Variants in WDR91 observed in about 807,000 individuals in gnomAD.
WDR91 encodes WD repeat-containing protein 91.
WDR91 carries 52 observed loss-of-function variants against 88.4 expected under a neutral mutation model. That is an observed-to-expected ratio of 0.59 (90% CI 0.47 to 0.74). WDR91 has a LOEUF of 0.74. WDR91 is among the 30% of genes least tolerant of loss of function. The pLI is 0.00. For missense variants in WDR91, 824 were observed against 954.5 expected (o/e 0.86, Z 1.80); for synonymous variants, 362 against 389.5 (o/e 0.93, Z 0.83).
rs1036256830 is a variant in WDR91 at position 135,184,962 on chromosome 7, T to G, written c.*1189A>C. ...TCGGCTCACTGCAACCTCCGCCTCC[T>G]GGGCTCAAGTGATTCTCCTGCCCCA... On this transcript the variant is annotated 3_prime_UTR_variant, in exon 15 of 15. Coordinates refer to ENST00000354475, the MANE Select transcript of WDR91 (RefSeq NM_014149.4). The G allele has an allele frequency of 6.6e-6, 1 of 152,046 alleles. No homozygotes were observed. The highest frequency in any genetic ancestry group is 2.1e-4 in the South Asian group (1 of 4,826). 9.4% of individuals were successfully genotyped at this position (152,046 alleles called of 1,614,324 possible). A position where few individuals can be genotyped will look rare whatever the true frequency, so the allele number is the denominator to read the frequency against.
rs749153421 is a variant in WDR91, at chr7:135,189,335, C to T, written c.1768+9G>A. The T allele has an allele frequency of 6.2e-7, 1 of 1,611,872 alleles. No individual in the cohort carries two copies. Among genetic ancestry groups the T allele is most frequent in the South Asian group, 1.1e-5 (1 of 90,958 alleles). Reference sequence around the variant, plus strand: ...GAGATCAAGGATTGCTATGAGCACACTTGCATACCAAACAGCCGGATGACG... The same window carrying T: ...GAGATCAAGGATTGCTATGAGCACATTTGCATACCAAACAGCCGGATGACG... On this transcript the variant is annotated intron_variant, in intron 12 of 14. Coordinates refer to ENST00000354475, the MANE Select transcript of WDR91 (RefSeq NM_014149.4).
At chr7:135,204,802 T>C (rs1322933005) in intron 5 of WDR91, among the ~76,000 whole-genome samples, 1 of 152,174 alleles carries the variant, frequency 6.6e-6, no homozygotes, top group Admixed American at 6.5e-5. Context: ...AAGAATAAAA[T>C]AGCTCATTAA....
chr7:135,193,823 G>A (rs1831265784), intron 9 of WDR91, 151 bp from the exon 10 acceptor site: 2 of 631,554 alleles, frequency 3.2e-6, no homozygotes, highest in Admixed American at 5.6e-5. Flanking sequence ...TGGCTACAAT[G>A]AGCCTCACTT....
chr7:135,197,864 T>G, intron 7 of WDR91, 129 bp downstream of exon 7: 1 of 1,201,118 alleles, frequency 8.3e-7, no homozygotes, highest in Non-Finnish European at 1.1e-6. Context: ...TACAAGCCAT[T>G]GAAACCAATT....
chr7:135,209,984 G>C (rs1342638115), intron 1 of WDR91: 1 of 405,078 alleles, frequency 2.5e-6, no homozygotes, highest in Admixed American at 4.5e-5. Flanking sequence ...AGGTGTAAAA[G>C]GGCTCTGGCC....
In WDR91 at chr7:135,185,825, A is replaced by G. The variant is rs1830915729; in HGVS notation, c.*326T>C. On this transcript the variant is annotated 3_prime_UTR_variant, in exon 15 of 15. Coordinates refer to ENST00000354475, the MANE Select transcript of WDR91 (RefSeq NM_014149.4). ...AAAAGAAAAAGATAAATGGGCACAT[A>G]TATACAAAATACTGTCAATTTCTAC... The G allele has an allele frequency of 7.4e-6, 2 of 268,904 alleles. No individual in the cohort carries two copies. Among genetic ancestry groups the G allele is most frequent in the Admixed American group, 5.5e-5 (1 of 18,176 alleles). The allele number at this position is 268,904 out of a possible 1,614,324, so 16.7% of individuals were successfully genotyped here. A position where few individuals can be genotyped will look rare whatever the true frequency, so the allele number is the denominator to read the frequency against.
rs1281505177 is a variant in WDR91, at chr7:135,204,310, A to C, written c.849T>G (p.Pro283=). Residue 283 remains proline (P), a synonymous_variant, in exon 6 of 15, where the codon CCT becomes CCG. Transcript: ENST00000354475. ...PSRLSPAQGP[P]QPQSSAKKES... Reference sequence around the variant, plus strand: ...CTTTCTTGGCCGAGCTCTGAGGTTGAGGAGGGCCCTGAGCAGGCGACAACC... The same window carrying C: ...CTTTCTTGGCCGAGCTCTGAGGTTGCGGAGGGCCCTGAGCAGGCGACAACC... The C allele has an allele frequency of 6.2e-7, 1 of 1,614,140 alleles. No homozygotes were observed. Among genetic ancestry groups the C allele is most frequent in the Non-Finnish European group, 8.5e-7 (1 of 1,180,034 alleles).
chr7:135,190,103 T>C lies in WDR91; in HGVS notation c.1660-651A>G, dbSNP rs553921011. 6.6e-5 allele frequency among the ~76,000 whole-genome samples: 10 copies of C among 152,152 alleles called. No homozygotes were observed. In the East Asian group the frequency reaches 1.5e-3, roughly 24 times the overall value. ...AGAAAGCAAGAACGCAGAGAACCAG[T>C]GCACTCCAAAGCCGGCTTTCACTAT... On this transcript the variant is annotated intron_variant, in intron 11 of 14. Transcript: ENST00000354475.
intron 4 of WDR91, among the ~76,000 whole-genome samples, chr7:135,206,420 A>C (rs1831783759): frequency 2.1e-5 from 1 of 48,530 alleles, no homozygotes; most frequent in African/African-American, 5.6e-5. Flanking sequence ...GGAAAAAAAA[A>C]AAAAACCTGT....
chr7:135,207,215 A>G lies in WDR91; in HGVS notation c.512-13T>C. On this transcript the variant is annotated splice_polypyrimidine_tract_variant and intron_variant, in intron 3 of 14. Coordinates refer to ENST00000354475, the MANE Select transcript of WDR91 (RefSeq NM_014149.4). ...ATCACAGGGACTGGTGCACGAAGTT[A>G]AAGAATAAGCCAGCCCCTGAAATGT... The G allele has an allele frequency of 4.4e-6, 7 of 1,597,362 alleles. No individual in the cohort carries two copies. The highest frequency in any genetic ancestry group is 5.1e-6 in the Non-Finnish European group (6 of 1,168,204).
In WDR91 at chr7:135,185,275, T is replaced by C. The variant is rs900508188; in HGVS notation, c.*876A>G. The C allele has an allele frequency of 2.0e-5, 3 of 152,140 alleles. No individual in the cohort carries two copies. Among genetic ancestry groups the C allele is most frequent in the African/African-American group, 7.2e-5 (3 of 41,424 alleles). The allele number at this position is 152,140 out of a possible 1,614,324, so 9.4% of individuals were successfully genotyped here. ...AAATTATTTAAAATACTGTATAGAGTTACCTTCAGGCTACATGTATAAGGT... is the reference window on the plus strand; with the variant it reads ...AAATTATTTAAAATACTGTATAGAGCTACCTTCAGGCTACATGTATAAGGT... On this transcript the variant is annotated 3_prime_UTR_variant, in exon 15 of 15. Transcript: ENST00000354475.
At position 135,193,338 on chromosome 7, in the gene WDR91, T is replaced by A. The variant is rs775045616; in HGVS notation, c.1552A>T (p.Ser518Cys). 1.2e-6 allele frequency: 2 copies of A among 1,614,166 alleles called. No individual in the cohort carries two copies. The highest frequency in any genetic ancestry group is 1.3e-5 in the African/African-American group (1 of 75,034). The change falls in exon 11 of 15, where the codon AGC becomes TGC. Residue 518 changes from serine (S) to cysteine (C), a missense_variant. Ser to Cys is a moderately radical substitution (Grantham distance 112, BLOSUM62 -1). Transcript: ENST00000354475. ...GAGAAGTCCACCTGGGAAGTGAGGC[T>A]CGGAGCTGCTGCCGAACAGACGAAA... The part of the protein sequence containing the change: ...ASFVCSAAAP[S>C]LTSQVDFSAP...
In WDR91 at chr7:135,187,200, G is replaced by A. The variant is rs768768933; in HGVS notation, c.1882-31C>T. The A allele has an allele frequency of 9.3e-6, 15 of 1,611,198 alleles. No individual in the cohort carries two copies. In the Admixed American group the frequency reaches 1.2e-4, roughly 13 times the overall value. On this transcript the variant is annotated intron_variant, in intron 13 of 14. Transcript: ENST00000354475. ...GTCACAGGGCACAAGCAGGGTGCTC[G>A]CAGCGGAGCTGGCCAATGCAGGCCT...
chr7:135,203,854 C>T (rs556776925), intron 6 of WDR91, among the ~76,000 whole-genome samples: 1 of 152,314 alleles, frequency 6.6e-6, no homozygotes, highest in South Asian at 2.1e-4. Flanking sequence ...GGAGTGCAGG[C>T]AAGGGAAGGC....
At chr7:135,205,874 G>A in intron 5 of WDR91, 54 bp downstream of exon 5, 1 of 1,609,510 alleles carries the variant, frequency 6.2e-7, no homozygotes, top group South Asian at 1.1e-5. Context: ...AGGGAACTGT[G>A]GGGCTGAGAG....
intron 6 of WDR91, chr7:135,202,401 C>T (rs1831606981): frequency 6.6e-6 from 1 of 152,168 alleles, no homozygotes; most frequent in African/African-American, 2.4e-5. Context: ...AGATATCTTT[C>T]GTCTTCACTG....
chr7:135,210,210 C>A (rs1033456690), intron 1 of WDR91, among the ~76,000 whole-genome samples: 1 of 152,138 alleles, frequency 6.6e-6, no homozygotes, highest in Non-Finnish European at 1.5e-5. Flanking sequence ...ATTAGCTGGA[C>A]GTGGTGGCAC....
At position 135,207,167 on chromosome 7, in the gene WDR91, G is replaced by A. The variant is rs1039487976; in HGVS notation, c.547C>T (p.Gln183Ter). 9.3e-6 allele frequency: 15 copies of A among 1,608,252 alleles called. No homozygotes were observed. Among genetic ancestry groups the A allele is most frequent in the Non-Finnish European group, 1.3e-5 (15 of 1,175,940 alleles). ...PVILNFDAEC[Q>*]RTNQVQEENE... The stretch of plus-strand genomic sequence containing the variant: ...TCTTCTTGAACCTGGTTAGTCCTCT[G>A]ACACTCCGCATCAAAGTTCAGGATC... The change falls in exon 4 of 15, where the codon CAG becomes TAG. Residue 183 changes from glutamine (Q) to a stop codon, truncating the protein, a stop_gained. Transcript: ENST00000354475. LOFTEE classifies it high-confidence loss of function.
intron 12 of WDR91, among the ~76,000 whole-genome samples, chr7:135,188,799 G>A (rs1187438147): frequency 6.6e-6 from 1 of 152,134 alleles, no homozygotes; most frequent in African/African-American, 2.4e-5. Context: ...GCTCACCTGG[G>A]GAGCCCTAAG....
Sources: gnomAD v4.1 joint callset for allele counts (sites outside exome capture counted in the v4.1 genomes callset) on GRCh38, gnomAD v4.1.1 for gene constraint, MANE v1.5 for transcripts, NCBI Gene and HGNC (gene_info 2026-07-23, HGNC 2026-07-21) for gene names.